PDZRN4: variants seen among roughly 807,000 people sequenced by gnomAD.
PDZRN4 encodes PDZ domain-containing RING finger protein 4.
Under a neutral mutation model 99.0 loss-of-function variants are expected in PDZRN4, and 70 were observed. The observed-to-expected ratio is 0.71, with a 90% CI of 0.58 to 0.86. PDZRN4 has a LOEUF of 0.86. PDZRN4 is among the 40% of genes least tolerant of loss of function. The pLI, the probability that PDZRN4 is intolerant of heterozygous loss-of-function variation, is 0.00. For synonymous variants in PDZRN4, 551 were observed against 501.6 expected, an observed-to-expected ratio of 1.10 and a Z score of -1.32; for missense variants, 1,474 against 1,331.2, an observed-to-expected ratio of 1.11 and a Z score of -1.67.
At chr12:41,395,583 G>T (rs1378164068) in intron 3 of PDZRN4, among the ~76,000 whole-genome samples, 2 of 152,072 alleles carry the variant, frequency 1.3e-5, no homozygotes, top group Non-Finnish European at 2.9e-5. Context: ...GCTTTTTTCA[G>T]TATAAGCTAA....
At chr12:41,441,310 A>G (rs1551593) in intron 3 of PDZRN4, among the ~76,000 whole-genome samples, 79,179 of 151,984 alleles carry the variant, frequency 0.52, 21,345 homozygotes, top group African/African-American at 0.68. Flanking sequence ...TAGTTCTCAG[A>G]CAATGTCACT....
chr12:41,249,049 G>T (rs1951151815), intron 3 of PDZRN4, among the ~76,000 whole-genome samples: 1 of 152,066 alleles, frequency 6.6e-6, no homozygotes, highest in Admixed American at 6.5e-5. Context: ...TGAAGTAAAA[G>T]CTTCTTGGTT....
intron 3 of PDZRN4, among the ~76,000 whole-genome samples, chr12:41,445,094 C>A (rs1952713191): frequency 6.6e-6 from 1 of 151,866 alleles, no homozygotes; most frequent in South Asian, 2.1e-4. Flanking sequence ...AAGAGAAAGG[C>A]AGCCATTTCT....
intron 3 of PDZRN4, among the ~76,000 whole-genome samples, chr12:41,302,679 T>TA (rs1306127771): frequency 2.0e-5 from 3 of 152,118 alleles, no homozygotes; most frequent in Non-Finnish European, 1.5e-5. Flanking sequence ...TTTATATTGT[T>TA]AAAAATTCTT....
At chr12:41,326,145 G>A (rs1358446953) in intron 3 of PDZRN4, among the ~76,000 whole-genome samples, 1 of 24,672 alleles carries the variant, frequency 4.1e-5, no homozygotes, top group African/African-American at 6.5e-5. Context: ...CACCACACTC[G>A]GCTAATTTTT....
chr12:41,283,057 A>C (rs76054327), intron 3 of PDZRN4, among the ~76,000 whole-genome samples: 2 of 150,154 alleles, frequency 1.3e-5, no homozygotes, highest in African/African-American at 4.9e-5. Context: ...AGCAGGGAAA[A>C]CCCTCCAAAA....
chr12:41,311,621 A>G lies in PDZRN4; in HGVS notation c.843+117433A>G, dbSNP rs528437642. On this transcript the variant is annotated intron_variant, in intron 3 of 9. Coordinates refer to ENST00000402685, the MANE Select transcript of PDZRN4 (RefSeq NM_001164595.2). The stretch of plus-strand genomic sequence containing the variant: ...GACTTGACTTCCCAAATTTCTGCCT[A>G]CTCTTACAGAACACAAAATGTCTTC... 3.3e-5 allele frequency among the ~76,000 whole-genome samples: 5 copies of G among 152,274 alleles called. No homozygotes were observed. The South Asian group carries it at 1.0e-3, about 32-fold the overall frequency.
At chr12:41,225,435 G>GTTT (rs35906953) in intron 3 of PDZRN4, among the ~76,000 whole-genome samples, 1 of 149,108 alleles carries the variant, frequency 6.7e-6, no homozygotes. Flanking sequence ...ATTACACTGT[G>GTTT]TTTTTTTTTT....
At chr12:41,469,354 T>A (rs1021598517) in intron 3 of PDZRN4, among the ~76,000 whole-genome samples, 1 of 152,222 alleles carries the variant, frequency 6.6e-6, no homozygotes, top group Non-Finnish European at 1.5e-5. Flanking sequence ...TCAACTGACC[T>A]TGTTGCCAGT....
intron 3 of PDZRN4, among the ~76,000 whole-genome samples, chr12:41,272,389 T>G (rs973614714): frequency 6.6e-6 from 1 of 152,100 alleles, no homozygotes; most frequent in Non-Finnish European, 1.5e-5. Flanking sequence ...ATGTATGAAA[T>G]ATACTTCACA....
intron 5 of PDZRN4, among the ~76,000 whole-genome samples, chr12:41,549,603 G>T (rs950013889): frequency 5.3e-5 from 8 of 152,286 alleles, no homozygotes; most frequent in African/African-American, 1.9e-4. Context: ...CTCTTATGGT[G>T]CCTGAAGGCT....
At chr12:41,535,802 G>A (rs1203198946) in intron 5 of PDZRN4, among the ~76,000 whole-genome samples, 2 of 152,134 alleles carry the variant, frequency 1.3e-5, no homozygotes, top group Admixed American at 6.5e-5. Context: ...GATGCAACAT[G>A]AGGTTCTTCA....
chr12:41,489,797 A>T (rs571406818), intron 3 of PDZRN4, among the ~76,000 whole-genome samples: 2 of 152,186 alleles, frequency 1.3e-5, no homozygotes, highest in Non-Finnish European at 2.9e-5. Context: ...TGAGTATTTC[A>T]CAAGGGCCAA....
chr12:41,569,101 C>CTAT (rs1265648635), intron 9 of PDZRN4, among the ~76,000 whole-genome samples: 7 of 147,888 alleles, frequency 4.7e-5, no homozygotes, highest in Non-Finnish European at 8.9e-5. Context: ...CGTGCCCTGT[C>CTAT]TATTCTTATT....
intron 5 of PDZRN4, among the ~76,000 whole-genome samples, chr12:41,541,132 A>G (rs1454766531): frequency 6.6e-6 from 1 of 151,940 alleles, no homozygotes; most frequent in Non-Finnish European, 1.5e-5. Flanking sequence ...GGGTTTCACC[A>G]TGCTAGCCAG....
At chr12:41,563,499 CA>C in intron 7 of PDZRN4, 48 bp from the exon 8 acceptor site, 1 of 1,280,508 alleles carries the variant, frequency 7.8e-7, no homozygotes. Flanking sequence ...TTATTGTGTG[CA>C]GCATTGTGGA....
At chr12:41,531,560 G>C (rs1010250639) in intron 5 of PDZRN4, among the ~76,000 whole-genome samples, 2 of 152,124 alleles carry the variant, frequency 1.3e-5, no homozygotes, top group Non-Finnish European at 2.9e-5. Context: ...GGGTGGTCTT[G>C]GGAAATGCAA....
chr12:41,313,411 T>C (rs550412203), intron 3 of PDZRN4, among the ~76,000 whole-genome samples: 1 of 152,356 alleles, frequency 6.6e-6, no homozygotes, highest in African/African-American at 2.4e-5. Context: ...ATGTTCCTAC[T>C]AACAAGTTGC....
intron 3 of PDZRN4, among the ~76,000 whole-genome samples, chr12:41,416,042 T>A (rs988661994): frequency 6.6e-6 from 1 of 152,194 alleles, no homozygotes; most frequent in Non-Finnish European, 1.5e-5. Context: ...AACTGTGTGA[T>A]TGATAGAGAC....
Sources: allele counts gnomAD v4.1 joint callset (sites outside exome capture counted in the v4.1 genomes callset), GRCh38; gene constraint gnomAD v4.1.1; transcripts MANE v1.5; gene names NCBI Gene and HGNC (gene_info 2026-07-23, HGNC 2026-07-21).